C8orf34: variants seen among roughly 807,000 people sequenced by gnomAD.
C8orf34 encodes chromosome 8 open reading frame 34.
In C8orf34, 65 loss-of-function variants were observed where a neutral mutation model predicts 68.3. That is an observed-to-expected ratio of 0.95 (90% CI 0.78 to 1.17). The LOEUF is 1.17. C8orf34 is among the 50% of genes most tolerant of loss of function. C8orf34 has a pLI of 0.00. For missense variants in C8orf34, 664 were observed against 655.4 expected (o/e 1.01, Z -0.14); for synonymous variants, 244 against 241.2 (o/e 1.01, Z -0.11).
At chr8:68,698,280 A>G (rs530330600) in intron 8 of C8orf34, among the ~76,000 whole-genome samples, 61 of 152,216 alleles carry the variant, frequency 4.0e-4, no homozygotes, top group Admixed American at 2.2e-3. Flanking sequence ...ACATTTCAGT[A>G]TACCTTCTAA....
At chr8:68,403,435 G>T (rs1809047205) in intron 1 of C8orf34, among the ~76,000 whole-genome samples, 1 of 152,132 alleles carries the variant, frequency 6.6e-6, no homozygotes, top group Non-Finnish European at 1.5e-5. Flanking sequence ...TGCAAAACGT[G>T]CAGGTTTGTT....
At chr8:68,789,654 T>C (rs1823937226) in intron 12 of C8orf34, among the ~76,000 whole-genome samples, 1 of 152,206 alleles carries the variant, frequency 6.6e-6, no homozygotes, top group Admixed American at 6.5e-5. Context: ...TTTTTCATCT[T>C]ATTGAGACAC....
At chr8:68,534,786 G>T in intron 7 of C8orf34, 1 of 985,394 alleles carries the variant, frequency 1.0e-6, no homozygotes, top group Non-Finnish European at 1.2e-6. Flanking sequence ...AGATGCAGTT[G>T]TCCACTCCAT....
At chr8:68,584,261 T>G (rs763444042) in intron 7 of C8orf34, among the ~76,000 whole-genome samples, 16 of 152,032 alleles carry the variant, frequency 1.1e-4, no homozygotes, top group Non-Finnish European at 1.5e-4. Flanking sequence ...CAACTGAGAT[T>G]TTTGCAAAAA....
At chr8:68,346,751 C>G (rs1256342334) in intron 1 of C8orf34, among the ~76,000 whole-genome samples, 4 of 152,012 alleles carry the variant, frequency 2.6e-5, no homozygotes, top group African/African-American at 9.7e-5. Context: ...GTTAAGGTTC[C>G]TCCATGTCTT....
At chr8:68,669,664 TA>T (rs1819947705) in intron 8 of C8orf34, among the ~76,000 whole-genome samples, 1 of 152,182 alleles carries the variant, frequency 6.6e-6, no homozygotes, top group Non-Finnish European at 1.5e-5. Flanking sequence ...GAGCTATGAA[TA>T]AAGTTCTGAG....
intron 1 of C8orf34, among the ~76,000 whole-genome samples, chr8:68,370,055 A>G (rs906336457): frequency 1.3e-5 from 2 of 152,148 alleles, no homozygotes; most frequent in Non-Finnish European, 2.9e-5. Context: ...CAACTTTGGG[A>G]AAGATATCCT....
intron 10 of C8orf34, among the ~76,000 whole-genome samples, chr8:68,741,404 C>T (rs1047305757): frequency 2.6e-5 from 4 of 152,034 alleles, no homozygotes; most frequent in Non-Finnish European, 5.9e-5. Context: ...TGCACTGCAT[C>T]TTAATACCAT....
intron 12 of C8orf34, among the ~76,000 whole-genome samples, chr8:68,802,671 T>C (rs139184580): frequency 2.2e-4 from 33 of 152,152 alleles, no homozygotes; most frequent in Middle Eastern, 6.8e-3. Flanking sequence ...ATAATTTTTG[T>C]AGTTTTTGTG....
chr8:68,342,422 A>G (rs1017310402), intron 1 of C8orf34, among the ~76,000 whole-genome samples: 1 of 152,160 alleles, frequency 6.6e-6, no homozygotes, highest in African/African-American at 2.4e-5. Flanking sequence ...AGGAGAAAAT[A>G]TTTTCAAAGC....
chr8:68,776,462 G>C lies in C8orf34; in HGVS notation c.1455+13G>C, dbSNP rs755375900. 1 of 1,607,890 alleles carries C rather than the reference G, an allele frequency of 6.2e-7. No individual in the cohort carries two copies. The highest frequency in any genetic ancestry group is 2.2e-5 in the East Asian group (1 of 44,790). Reference sequence around the variant, plus strand: ...CTACATGGAAGAAGTGAGTTTTAAGGTTGCTTTATAATGTAGTCTGAAATC... The same window carrying C: ...CTACATGGAAGAAGTGAGTTTTAAGCTTGCTTTATAATGTAGTCTGAAATC... On this transcript the variant is annotated intron_variant, in intron 11 of 13. Transcript: ENST00000518698.
At chr8:68,656,250 G>A (rs1819507816) in intron 8 of C8orf34, among the ~76,000 whole-genome samples, 1 of 152,150 alleles carries the variant, frequency 6.6e-6, no homozygotes, top group South Asian at 2.1e-4. Flanking sequence ...GATCATTTAA[G>A]AGATTCAACA....
chr8:68,444,090 G>A (rs1006131622), intron 2 of C8orf34, among the ~76,000 whole-genome samples: 1 of 151,852 alleles, frequency 6.6e-6, no homozygotes, highest in Non-Finnish European at 1.5e-5. Flanking sequence ...TTTCTTTGTT[G>A]ACTCTCTTTT....
intron 7 of C8orf34, among the ~76,000 whole-genome samples, chr8:68,577,599 C>G (rs1423943425): frequency 6.6e-6 from 1 of 151,752 alleles, no homozygotes; most frequent in Non-Finnish European, 1.5e-5. Context: ...CTCATTTGTG[C>G]TTAAAATTTG....
intron 10 of C8orf34, among the ~76,000 whole-genome samples, chr8:68,747,891 T>A (rs1201048796): frequency 2.0e-5 from 3 of 151,990 alleles, no homozygotes; most frequent in Admixed American, 6.6e-5. Flanking sequence ...ACTACTTTAA[T>A]GTTCATATGG....
intron 7 of C8orf34, among the ~76,000 whole-genome samples, chr8:68,553,892 A>AG (rs397749603): frequency 6.6e-6 from 1 of 151,702 alleles, no homozygotes; most frequent in African/African-American, 2.4e-5. Flanking sequence ...ATGAAAAAAA[A>AG]TGAGAAGTTT....
At chr8:68,339,484 A>C (rs1318481449) in intron 1 of C8orf34, among the ~76,000 whole-genome samples, 1 of 123,208 alleles carries the variant, frequency 8.1e-6, no homozygotes, top group Non-Finnish European at 1.9e-5. Flanking sequence ...AAGTATAAAA[A>C]CTCTTAAAAA....
intron 7 of C8orf34, chr8:68,533,356 T>A: frequency 7.7e-7 from 1 of 1,297,188 alleles, no homozygotes; most frequent in African/African-American, 1.5e-5. Context: ...TTTATTAGAC[T>A]GTATTTTGTG....
At chr8:68,627,886 T>G (rs190504292) in intron 7 of C8orf34, among the ~76,000 whole-genome samples, 75 of 152,314 alleles carry the variant, frequency 4.9e-4, no homozygotes, top group Middle Eastern at 6.8e-3. Context: ...ATGGTTACAT[T>G]CAAAGAAATT....
Sources: gnomAD v4.1 joint callset for allele counts (sites outside exome capture counted in the v4.1 genomes callset) on GRCh38, gnomAD v4.1.1 for gene constraint, MANE v1.5 for transcripts, NCBI Gene and HGNC (gene_info 2026-07-23, HGNC 2026-07-21) for gene names.